The following RHCG variants were observed in gnomAD, a reference collection of about 807,000 sequenced individuals.
The protein encoded by RHCG is Rh family C glycoprotein.
In RHCG, 39 loss-of-function variants were observed where a neutral mutation model predicts 55.3. The ratio of observed to expected loss-of-function variants is 0.70; its 90% confidence interval spans 0.55 to 0.92. The LOEUF (loss-of-function observed/expected upper bound fraction) is 0.92. Ranked by LOEUF, RHCG falls within the 40% of genes least tolerant of loss-of-function variation. RHCG has a pLI of 0.00. For synonymous variants in RHCG, 250 were observed against 246.8 expected, an observed-to-expected ratio of 1.01 and a Z score of -0.12; for missense variants, 635 against 627.9, an observed-to-expected ratio of 1.01 and a Z score of -0.12.
In RHCG at chr15:89,496,527, G is replaced by T. The variant is rs1454780689; in HGVS notation, c.18C>A (p.Asn6Lys). Reference sequence around the variant, plus strand: ...AGGTGAGCGGCAGCCGCCAGCGGAGGTTGGTGTTCCAGGCCATGCTGCAGG... The same window carrying T: ...AGGTGAGCGGCAGCCGCCAGCGGAGTTTGGTGTTCCAGGCCATGCTGCAGG... MAWNTNLRWRLPLTCL... is the reference protein window; with the variant it reads MAWNTKLRWRLPLTCL... Residue 6 changes from asparagine to lysine, a missense_variant, in exon 1 of 11, where the codon AAC becomes AAA. Coordinates refer to ENST00000268122, the MANE Select transcript of RHCG (RefSeq NM_016321.3). The T allele has an allele frequency of 7.4e-6, 12 of 1,612,762 alleles. No individual in the cohort carries two copies. Among genetic ancestry groups the T allele is most frequent in the Non-Finnish European group, 9.3e-6 (11 of 1,179,838 alleles).
At chr15:89,472,317 C>A (rs1019422527) in intron 10 of RHCG, among the ~76,000 whole-genome samples, 26 of 152,282 alleles carry the variant, frequency 1.7e-4, no homozygotes, top group Admixed American at 1.0e-3. Flanking sequence ...GGGTGGGTCT[C>A]ATCTGAGCTG....
chr15:89,472,601 C>T, intron 10 of RHCG, 110 bp downstream of exon 10: 1 of 1,130,588 alleles, frequency 8.8e-7, no homozygotes, highest in Non-Finnish European at 1.2e-6. Context: ...TGGAAGCCCT[C>T]ATTTCTTGAT....
At chr15:89,494,547 A>T (rs1567230005) in intron 1 of RHCG, among the ~76,000 whole-genome samples, 1 of 151,804 alleles carries the variant, frequency 6.6e-6, no homozygotes, top group Non-Finnish European at 1.5e-5. Context: ...GGAGGATAAG[A>T]GCTGGGGAGA....
At chr15:89,491,889 G>A (rs558517656) in intron 1 of RHCG, among the ~76,000 whole-genome samples, 1 of 152,216 alleles carries the variant, frequency 6.6e-6, no homozygotes, top group Non-Finnish European at 1.5e-5. Flanking sequence ...AGTCAAATGG[G>A]AGATAGTAAC....
At chr15:89,476,700 G>A in intron 9 of RHCG, 55 bp downstream of exon 9, 1 of 1,458,738 alleles carries the variant, frequency 6.9e-7, no homozygotes, top group Non-Finnish European at 9.6e-7. Context: ...ATGCAGTGGA[G>A]GCAGGGAGGG....
chr15:89,478,801 A>G (rs1458236127), intron 5 of RHCG, among the ~76,000 whole-genome samples: 1 of 152,186 alleles, frequency 6.6e-6, no homozygotes, highest in Non-Finnish European at 1.5e-5. Flanking sequence ...GTGTCAGATT[A>G]TAAGATAGGT....
chr15:89,485,390 C>A (rs1961341623), intron 2 of RHCG, among the ~76,000 whole-genome samples: 1 of 152,192 alleles, frequency 6.6e-6, no homozygotes. Context: ...CAACACATAT[C>A]CAGTCAACTA....
intron 1 of RHCG, among the ~76,000 whole-genome samples, chr15:89,487,386 G>A (rs931671974): frequency 2.3e-4 from 35 of 152,186 alleles, no homozygotes; most frequent in African/African-American, 8.4e-4. Flanking sequence ...GGTGGCAGCT[G>A]GGCATCAGAA....
intron 3 of RHCG, among the ~76,000 whole-genome samples, chr15:89,482,560 G>T (rs1239972873): frequency 2.0e-5 from 3 of 152,108 alleles, no homozygotes; most frequent in Non-Finnish European, 2.9e-5. Flanking sequence ...GAGGTCTAAG[G>T]TGCCTCTTAT....
At chr15:89,489,272 A>G (rs1449225712) in intron 1 of RHCG, among the ~76,000 whole-genome samples, 2 of 150,174 alleles carry the variant, frequency 1.3e-5, no homozygotes, top group African/African-American at 4.9e-5. Context: ...ATGTGCCACC[A>G]CACCCAGCTA....
In RHCG at chr15:89,477,254, T is replaced by A; in HGVS notation, c.1113-48A>T. 3.1e-6 allele frequency: 5 copies of A among 1,605,878 alleles called. No homozygotes were observed. Among genetic ancestry groups the A allele is most frequent in the Non-Finnish European group, 4.3e-6 (5 of 1,174,592 alleles). On this transcript the variant is annotated intron_variant, in intron 7 of 10. Transcript: ENST00000268122. This position sits in a 1 kb window ranked among gnomAD's most constrained non-coding sequence, Gnocchi z 4.5. ...GTCAGGGCCCCATGGAGAGGCCAAG[T>A]AACAGCTTGCTGCCACCCCAAAAAT...
At chr15:89,479,529 G>A (rs1478909113) in intron 4 of RHCG, 41 bp from the exon 5 acceptor site, 2 of 1,558,864 alleles carry the variant, frequency 1.3e-6, no homozygotes, top group African/African-American at 2.7e-5. Flanking sequence ...GGGAGGAGAG[G>A]CATTAGATAC....
Position 89,480,424 on chromosome 15 carries a change from C to A in RHCG, c.523-16G>T, listed in dbSNP as rs189802088. On this transcript the variant is annotated splice_polypyrimidine_tract_variant and intron_variant, in intron 3 of 10. Transcript: ENST00000268122. ...CATCCTTCACCTGGGGTGCAAGGGG[C>A]CTGTCAGACTCTGGCACCTTCTCTC... 1,598 of 1,607,782 alleles carry A rather than the reference C, an allele frequency of 9.9e-4. 3 individuals are homozygous for A. The highest frequency in any genetic ancestry group is 9.0e-4 in the Non-Finnish European group (1,056 of 1,175,818).
chr15:89,476,692 G>T, intron 9 of RHCG, 63 bp downstream of exon 9: 1 of 1,381,640 alleles, frequency 7.2e-7, no homozygotes. Context: ...CCCAGCTGAT[G>T]CAGTGGAGGC....
intron 9 of RHCG, 116 bp from the exon 10 acceptor site, chr15:89,472,979 G>T: frequency 8.3e-7 from 1 of 1,200,854 alleles, no homozygotes; most frequent in South Asian, 1.9e-5. Context: ...TGTGATCGCC[G>T]TGCGGATCAC....
intron 1 of RHCG, among the ~76,000 whole-genome samples, chr15:89,492,298 G>C (rs1000480753): frequency 1.3e-5 from 2 of 152,184 alleles, no homozygotes; most frequent in Non-Finnish European, 2.9e-5. Context: ...CCCCCACCAG[G>C]CTGGCTGAGT....
chr15:89,475,250 T>C (rs1228774237), intron 9 of RHCG, among the ~76,000 whole-genome samples: 2 of 152,072 alleles, frequency 1.3e-5, no homozygotes, highest in African/African-American at 2.4e-5. Context: ...TCCTTTTTTT[T>C]CTTCCTTTTT....
At chr15:89,476,701 G>A in intron 9 of RHCG, 54 bp downstream of exon 9, 1 of 1,459,832 alleles carries the variant, frequency 6.9e-7, no homozygotes, top group Non-Finnish European at 9.6e-7. Flanking sequence ...TGCAGTGGAG[G>A]CAGGGAGGGA....
At chr15:89,476,702 C>T in intron 9 of RHCG, 53 bp downstream of exon 9, 1 of 1,470,068 alleles carries the variant, frequency 6.8e-7, no homozygotes. Flanking sequence ...GCAGTGGAGG[C>T]AGGGAGGGAA....
Sources: gnomAD v4.1 joint callset for allele counts (sites outside exome capture counted in the v4.1 genomes callset) on GRCh38, gnomAD v4.1.1 for gene constraint, Gnocchi (gnomAD v3.1) non-coding constraint, MANE v1.5 for transcripts, NCBI Gene and HGNC (gene_info 2026-07-23, HGNC 2026-07-21) for gene names.